Variants in RSPO2 observed in about 807,000 individuals in gnomAD.
The protein encoded by RSPO2 is R-spondin-2.
Under a neutral mutation model 30.9 loss-of-function variants are expected in RSPO2, and 14 were observed. The observed-to-expected ratio is 0.45, with a 90% CI of 0.30 to 0.71. The LOEUF is 0.71. Among genes scored for constraint, RSPO2 ranks in the 30% least tolerant of loss-of-function variants. The probability of loss-of-function intolerance (pLI) is 0.08; values close to 1 mark genes in which losing one functional copy is unlikely to be tolerated. For synonymous variants in RSPO2, 107 were observed against 96.4 expected (o/e 1.11, Z -0.64); for missense variants, 264 against 301.9 (o/e 0.87, Z 0.93).
chr8:108,064,315 A>T (rs920415945), intron 2 of RSPO2, among the ~76,000 whole-genome samples: 1 of 151,848 alleles, frequency 6.6e-6, no homozygotes, highest in African/African-American at 2.4e-5. Flanking sequence ...ATCTACAAAA[A>T]AAACAAATTT....
chr8:108,026,963 G>T (rs1468132201), intron 2 of RSPO2, among the ~76,000 whole-genome samples: 1 of 152,106 alleles, frequency 6.6e-6, no homozygotes, highest in African/African-American at 2.4e-5. Flanking sequence ...TTATTTCAAA[G>T]TAAAAAATAT....
At chr8:107,965,917 G>A (rs1187360956) in intron 3 of RSPO2, among the ~76,000 whole-genome samples, 4 of 152,116 alleles carry the variant, frequency 2.6e-5, no homozygotes, top group Non-Finnish European at 5.9e-5. Context: ...AAGGAAGGCG[G>A]GTGATGTGTG....
chr8:107,958,917 T>C (rs573974896), intron 4 of RSPO2, among the ~76,000 whole-genome samples: 1 of 152,216 alleles, frequency 6.6e-6, no homozygotes, highest in South Asian at 2.1e-4. Context: ...ATGGTATATA[T>C]GTACCACATT....
intron 2 of RSPO2, among the ~76,000 whole-genome samples, chr8:108,014,720 A>G (rs957286843): frequency 8.5e-5 from 13 of 152,076 alleles, no homozygotes; most frequent in Admixed American, 2.0e-4. Flanking sequence ...GGGGAGGGAT[A>G]GCATTAGGAG....
intron 2 of RSPO2, among the ~76,000 whole-genome samples, chr8:108,014,664 G>A (rs1477900839): frequency 1.3e-5 from 2 of 151,822 alleles, no homozygotes; most frequent in Admixed American, 6.6e-5. Context: ...TGGACACAGG[G>A]AGGGGAACAT....
chr8:108,022,934 A>C (rs1214771127), intron 2 of RSPO2, among the ~76,000 whole-genome samples: 1 of 132,784 alleles, frequency 7.5e-6, no homozygotes, highest in Non-Finnish European at 1.7e-5. Context: ...AAAAAAAAAC[A>C]AAAAAAAAAA....
chr8:108,007,155 G>A (rs953768228), intron 2 of RSPO2, among the ~76,000 whole-genome samples: 12 of 151,906 alleles, frequency 7.9e-5, no homozygotes, highest in African/African-American at 2.7e-4. Context: ...CATTGCATTC[G>A]GTTTAGTCTT....
chr8:107,930,235 C>T (rs1399430850), intron 5 of RSPO2, among the ~76,000 whole-genome samples: 2 of 152,090 alleles, frequency 1.3e-5, no homozygotes, highest in Non-Finnish European at 2.9e-5. Context: ...CACTTAATCG[C>T]AAAGTTCACA....
chr8:107,901,135 C>CA lies in RSPO2; in HGVS notation c.671dup (p.Ile225AspfsTer18), dbSNP rs767132473. 8.1e-6 allele frequency: 13 copies of CA among 1,614,044 alleles called. No homozygotes were observed. The highest frequency in any genetic ancestry group is 1.1e-5 in the Non-Finnish European group (13 of 1,180,018). ...TGTGTTGCTCCTGGGCCCTTTCTAT[C>CA]AGCTTCCTTTTCTTTTTCTTGTTCC... On this transcript the variant is annotated frameshift_variant, in exon 6 of 6. Transcript: ENST00000276659. LOFTEE classifies it high-confidence loss of function.
intron 2 of RSPO2, among the ~76,000 whole-genome samples, chr8:108,011,122 G>T (rs1300096497): frequency 9.6e-6 from 1 of 104,650 alleles, no homozygotes; most frequent in Non-Finnish European, 1.7e-5. Flanking sequence ...GACATAGTGA[G>T]ACTCCGTCCC....
rs192876470 is a variant in RSPO2, at chr8:108,077,633, C to T, written c.94+4912G>A. On this transcript the variant is annotated intron_variant, in intron 2 of 5. Coordinates refer to ENST00000276659, the MANE Select transcript of RSPO2 (RefSeq NM_178565.5). ...ATACTCATCGCTTTCCCTACACACA[C>T]ACCCATGTATACACGTATGCATATA... Among the ~76,000 whole-genome samples, 246 of 152,276 alleles carry T rather than the reference C, an allele frequency of 1.6e-3. 1 individual carries two copies. The highest frequency in any genetic ancestry group is 2.6e-3 in the Non-Finnish European group (179 of 68,010).
At chr8:107,961,239 A>T (rs1333198996) in intron 3 of RSPO2, among the ~76,000 whole-genome samples, 1 of 152,220 alleles carries the variant, frequency 6.6e-6, no homozygotes, top group African/African-American at 2.4e-5. Context: ...AAGAATTTTA[A>T]TTTTTAAAAT....
chr8:107,950,618 T>C (rs1044208978), intron 5 of RSPO2, among the ~76,000 whole-genome samples: 3 of 152,178 alleles, frequency 2.0e-5, no homozygotes, highest in Non-Finnish European at 4.4e-5. Flanking sequence ...TCAACTATTT[T>C]GCTCCTAGTT....
At chr8:107,994,404 C>G (rs1434218746) in intron 2 of RSPO2, among the ~76,000 whole-genome samples, 1 of 151,416 alleles carries the variant, frequency 6.6e-6, no homozygotes, top group Non-Finnish European at 1.5e-5. Flanking sequence ...TTTTTCCAAA[C>G]AGAAATATCC....
chr8:108,029,052 G>GTT (rs1563570335), intron 2 of RSPO2, among the ~76,000 whole-genome samples: 1 of 48,846 alleles, frequency 2.0e-5, no homozygotes, highest in Non-Finnish European at 4.2e-5. Flanking sequence ...GTTAACATGA[G>GTT]TCTTTTTTTT....
At chr8:107,986,261 A>C (rs1054974677) in intron 3 of RSPO2, among the ~76,000 whole-genome samples, 16 of 152,216 alleles carry the variant, frequency 1.1e-4, no homozygotes, top group African/African-American at 3.6e-4. Flanking sequence ...GTATACTGTT[A>C]AGAAATAATT....
At chr8:108,079,103 C>A (rs1215435580) in intron 2 of RSPO2, among the ~76,000 whole-genome samples, 2 of 152,090 alleles carry the variant, frequency 1.3e-5, no homozygotes, top group African/African-American at 4.8e-5. Context: ...AAGACCAAGA[C>A]AGATAGTAGG....
At chr8:108,063,793 A>G (rs1812560618) in intron 2 of RSPO2, among the ~76,000 whole-genome samples, 1 of 152,208 alleles carries the variant, frequency 6.6e-6, no homozygotes, top group South Asian at 2.1e-4. Flanking sequence ...ACAAGGCTAC[A>G]GTAACCAAAA....
At chr8:108,024,762 G>C (rs1004530018) in intron 2 of RSPO2, among the ~76,000 whole-genome samples, 6 of 152,360 alleles carry the variant, frequency 3.9e-5, no homozygotes, top group African/African-American at 1.4e-4. Context: ...GCTCACGCCT[G>C]TAATCCCAGC....
Sources: allele counts gnomAD v4.1 joint callset (sites outside exome capture counted in the v4.1 genomes callset), GRCh38; gene constraint gnomAD v4.1.1; transcripts MANE v1.5; gene names NCBI Gene and HGNC (gene_info 2026-07-23, HGNC 2026-07-21).